Variants in RIPOR2 observed in about 807,000 individuals in gnomAD.
RIPOR2 encodes the protein rho family-interacting cell polarization regulator 2.
RIPOR2 carries 39 observed loss-of-function variants against 114.5 expected under a neutral mutation model. The observed-to-expected ratio is 0.34, with a 90% CI of 0.26 to 0.44. The LOEUF is 0.44. Ranked by LOEUF, RIPOR2 falls within the 20% of genes least tolerant of loss-of-function variation. The probability of loss-of-function intolerance (pLI) is 1.00; values close to 1 mark genes in which losing one functional copy is unlikely to be tolerated. For synonymous variants in RIPOR2, 445 were observed against 484.4 expected (o/e 0.92, Z 1.07); for missense variants, 1,007 against 1,255.1 (o/e 0.80, Z 2.99).
chr6:24,873,573 C>T (rs1185817343), intron 3 of RIPOR2, 71 bp downstream of exon 3: 1 of 1,371,768 alleles, frequency 7.3e-7, no homozygotes, highest in African/African-American at 1.5e-5. Flanking sequence ...GAAAAATGAT[C>T]TCATAAGACC....
chr6:24,809,898 C>T (rs1322787170), intron 20 of RIPOR2, 91 bp from the exon 21 acceptor site: 1 of 847,034 alleles, frequency 1.2e-6, no homozygotes, highest in Non-Finnish European at 1.9e-6. Context: ...GGAACTTTAG[C>T]CTCACTTTGT....
chr6:24,967,909 C>CTT (rs35997558), intron 1 of RIPOR2, among the ~76,000 whole-genome samples: 38 of 123,508 alleles, frequency 3.1e-4, no homozygotes, highest in South Asian at 1.0e-3. Context: ...AGATCTCAAT[C>CTT]TTTTTTTTTT....
rs1467186355 is a variant in RIPOR2 at position 25,037,978 on chromosome 6, A to G, written c.76+3873T>C. ...GTAGAAAAATGTACTTATTTTTTAG[A>G]GACGCTCTTACTAAAATGTCATAAT... On this transcript the variant is annotated intron_variant, in intron 1 of 13. Transcript: ENST00000510784. This position sits in a 1 kb window ranked among gnomAD's most constrained non-coding sequence, Gnocchi z 4.5. 6.6e-6 allele frequency among the ~76,000 whole-genome samples: 1 copy of G among 152,228 alleles called. No homozygotes were observed. The highest frequency in any genetic ancestry group is 2.4e-5 in the African/African-American group (1 of 41,456).
At chr6:25,038,375 TG>T (rs1222818639) in intron 1 of RIPOR2, among the ~76,000 whole-genome samples, 4 of 152,262 alleles carry the variant, frequency 2.6e-5, no homozygotes, top group Non-Finnish European at 5.9e-5. Flanking sequence ...TTATGTTATA[TG>T]GCAAAAATGA....
chr6:24,890,550 G>C (rs1178053416), intron 1 of RIPOR2, among the ~76,000 whole-genome samples: 1 of 152,110 alleles, frequency 6.6e-6, no homozygotes, highest in African/African-American at 2.4e-5. Context: ...TGGATACCAT[G>C]TATGTTATTT....
In RIPOR2 at chr6:24,843,282, C is replaced by T. The variant is rs763489366; in HGVS notation, c.1437G>A (p.Leu479=). ...TGGGCTCCTCTGGGTCTTCCTCCTT[C>T]AGGTGTGACTTTGGCTCTTGGCCTT... ...LGEGQEPKSH[L]KEEDPEEPRK... is the part of the protein sequence containing the mutation. The change falls in exon 13 of 22, where the codon CTG becomes CTA. Residue 479 remains leucine, a synonymous_variant. Transcript: ENST00000643898. 6.2e-7 allele frequency: 1 copy of T among 1,613,996 alleles called. No individual in the cohort carries two copies. The highest frequency in any genetic ancestry group is 8.5e-7 in the Non-Finnish European group (1 of 1,179,878).
At chr6:24,830,844 T>C (rs1347019606) in intron 16 of RIPOR2, among the ~76,000 whole-genome samples, 174 bp from the exon 17 acceptor site, 1 of 152,050 alleles carries the variant, frequency 6.6e-6, no homozygotes, top group Non-Finnish European at 1.5e-5. Flanking sequence ...GCTTCCCAAG[T>C]AGCAGGGATT....
intron 1 of RIPOR2, among the ~76,000 whole-genome samples, chr6:25,036,633 T>A (rs980395197): frequency 1.3e-5 from 2 of 152,102 alleles, no homozygotes; most frequent in African/African-American, 4.8e-5. Context: ...CCTCGAGTGA[T>A]CCTCCCACCT....
At chr6:24,851,758 A>ACC (rs1554210064) in intron 9 of RIPOR2, among the ~76,000 whole-genome samples, 6 of 152,070 alleles carry the variant, frequency 3.9e-5, no homozygotes, top group African/African-American at 1.4e-4. Flanking sequence ...GGAAAAAAAA[A>ACC]AAAAAACCTG....
rs1261277834 is a variant in RIPOR2 at position 24,960,563 on chromosome 6, T to C, written c.76+81288A>G. ...TTTTTTGAGACCAGGTCTCACTCTG[T>C]CACCCAGGCTGGAGAGCAGTGGTGC... is the stretch of plus-strand genomic sequence containing the variant. On this transcript the variant is annotated intron_variant, in intron 1 of 13. Coordinates refer to the RIPOR2 transcript ENST00000510784. Among the ~76,000 whole-genome samples, 5 of 152,216 alleles carry C rather than the reference T, an allele frequency of 3.3e-5. No individual in the cohort carries two copies. The East Asian group carries it at 9.6e-4, about 29-fold the overall frequency.
At chr6:24,897,064 T>C (rs1267857828) in intron 1 of RIPOR2, among the ~76,000 whole-genome samples, 1 of 152,224 alleles carries the variant, frequency 6.6e-6, no homozygotes. Context: ...CTGAACATTT[T>C]CTTTTTGAAG....
At chr6:25,039,486 C>T (rs1007096924) in intron 1 of RIPOR2, among the ~76,000 whole-genome samples, 40 of 152,198 alleles carry the variant, frequency 2.6e-4, no homozygotes, top group African/African-American at 9.7e-4. Flanking sequence ...GACCAGCCTG[C>T]TTAATGTTGA....
At chr6:25,035,775 A>C (rs909482890) in intron 1 of RIPOR2, among the ~76,000 whole-genome samples, 7 of 152,156 alleles carry the variant, frequency 4.6e-5, no homozygotes, top group Non-Finnish European at 1.0e-4. Flanking sequence ...CCATCTGCAG[A>C]GTGGGTAGCC....
intron 1 of RIPOR2, chr6:25,024,410 C>T (rs1177013592): frequency 8.8e-7 from 1 of 1,137,680 alleles, no homozygotes; most frequent in Non-Finnish European, 1.3e-6. Flanking sequence ...CTTGTTCCTT[C>T]ACCCACACGA....
chr6:24,867,821 T>C (rs79050579), intron 6 of RIPOR2, among the ~76,000 whole-genome samples: 6,880 of 152,308 alleles, frequency 0.045, 185 homozygotes, highest in South Asian at 0.087. Context: ...AATAAACTGA[T>C]TAATTGAATC....
At chr6:25,005,232 C>T (rs942609525) in intron 1 of RIPOR2, among the ~76,000 whole-genome samples, 3 of 152,166 alleles carry the variant, frequency 2.0e-5, no homozygotes, top group Admixed American at 6.6e-5. Context: ...TTGAAGGAGG[C>T]CCTGGGGTTT....
chr6:25,033,092 T>C (rs940580406), intron 1 of RIPOR2, among the ~76,000 whole-genome samples: 1 of 152,152 alleles, frequency 6.6e-6, no homozygotes, highest in Non-Finnish European at 1.5e-5. Context: ...TGGTCCCAGC[T>C]GCTTGGGAGG....
chr6:24,913,555 C>T (rs928778006), intron 1 of RIPOR2, among the ~76,000 whole-genome samples: 6 of 152,170 alleles, frequency 3.9e-5, no homozygotes, highest in Non-Finnish European at 8.8e-5. Context: ...AACCACGACA[C>T]ACTGTGTATT....
rs548721518 is a variant in RIPOR2 at position 24,847,525 on chromosome 6, G to A, written c.1164+500C>T. The A allele has an allele frequency of 1.3e-4, 197 of 1,549,568 alleles. No homozygotes were observed. In the African/African-American group the frequency reaches 1.8e-3, roughly 14 times the overall value. ...CCCAGAAGTCAAGCACTCCATACCC[G>A]GGCAGGCCACACTCACATAGAGCTC... On this transcript the variant is annotated intron_variant, in intron 12 of 21. Coordinates refer to ENST00000643898, the MANE Select transcript of RIPOR2 (RefSeq NM_001286445.3).
Sources: allele counts gnomAD v4.1 joint callset (sites outside exome capture counted in the v4.1 genomes callset), GRCh38; gene constraint gnomAD v4.1.1; non-coding constraint Gnocchi (gnomAD v3.1); transcripts MANE v1.5; gene names NCBI Gene and HGNC (gene_info 2026-07-23, HGNC 2026-07-21).